The following ARFIP1 variants were observed in gnomAD, a reference collection of about 807,000 sequenced individuals.
The protein encoded by ARFIP1 is arfaptin-1.
ARFIP1 carries 24 observed loss-of-function variants against 42.5 expected under a neutral mutation model. That is an observed-to-expected ratio of 0.57 (90% CI 0.41 to 0.80). ARFIP1 has a LOEUF of 0.80. Among genes scored for constraint, ARFIP1 ranks in the 30% least tolerant of loss-of-function variants. The pLI is 0.00. For synonymous variants in ARFIP1, 141 were observed against 153.7 expected, an observed-to-expected ratio of 0.92 and a Z score of 0.61; for missense variants, 354 against 434.0, an observed-to-expected ratio of 0.82 and a Z score of 1.64.
intron 2 of ARFIP1, among the ~76,000 whole-genome samples, chr4:152,832,003 T>TTA (rs1170325889): frequency 6.6e-6 from 1 of 151,568 alleles, no homozygotes; most frequent in African/African-American, 2.4e-5. Flanking sequence ...ATACCACAGT[T>TTA]TGTATATCCA....
intron 7 of ARFIP1, among the ~76,000 whole-genome samples, chr4:152,883,918 G>T (rs1736059753): frequency 6.6e-6 from 1 of 151,092 alleles, no homozygotes; most frequent in Non-Finnish European, 1.5e-5. Context: ...CCTTTTAGAA[G>T]GATAACTTTA....
At chr4:152,847,591 TAAAATTATTCTTTTA>T (rs934678885) in intron 2 of ARFIP1, among the ~76,000 whole-genome samples, 11 of 152,040 alleles carry the variant, frequency 7.2e-5, no homozygotes, top group Non-Finnish European at 1.3e-4. Context: ...AATTATTCTT[TAAAATTATTCTTTTA>T]AAAATTATTC....
At chr4:152,807,714 T>G (rs1238494779) in intron 1 of ARFIP1, among the ~76,000 whole-genome samples, 1 of 152,166 alleles carries the variant, frequency 6.6e-6, no homozygotes, top group African/African-American at 2.4e-5. Flanking sequence ...GTTCACCTTT[T>G]TGTTTTTTTT....
intron 8 of ARFIP1, among the ~76,000 whole-genome samples, chr4:152,892,500 T>G (rs1736945055): frequency 6.6e-6 from 1 of 152,206 alleles, no homozygotes; most frequent in Non-Finnish European, 1.5e-5. Flanking sequence ...GTGACTATAG[T>G]AATAAGCTTT....
intron 2 of ARFIP1, among the ~76,000 whole-genome samples, chr4:152,862,118 A>G (rs1733943438): frequency 6.6e-6 from 1 of 152,194 alleles, no homozygotes; most frequent in Admixed American, 6.5e-5. Context: ...GACGTTGGCC[A>G]TGGTAGCCTA....
rs1733108471 is a variant in ARFIP1 at position 152,852,843 on chromosome 4, T to C, written c.94-10763T>C. Among the ~76,000 whole-genome samples the C allele has an allele frequency of 2.0e-5, 3 of 152,242 alleles. No individual in the cohort carries two copies. The South Asian group carries it at 6.2e-4, about 31-fold the overall frequency. Reference sequence around the variant, plus strand: ...TAGCTGCCAAACCACATCAGAATGATAGTTCTCTTCAGAATTGGAATTCAA... The same window carrying C: ...TAGCTGCCAAACCACATCAGAATGACAGTTCTCTTCAGAATTGGAATTCAA... On this transcript the variant is annotated intron_variant, in intron 2 of 8. Transcript: ENST00000353617.
chr4:152,908,915 TG>T, intron 8 of ARFIP1, among the ~76,000 whole-genome samples: 2 of 151,440 alleles, frequency 1.3e-5, no homozygotes, highest in African/African-American at 4.9e-5. Flanking sequence ...TGTGTGTGTG[TG>T]TGTGTGTGTG....
At chr4:152,888,962 G>A (rs1269540679) in intron 8 of ARFIP1, among the ~76,000 whole-genome samples, 1 of 152,100 alleles carries the variant, frequency 6.6e-6, no homozygotes, top group Non-Finnish European at 1.5e-5. Flanking sequence ...TTGTATGCAG[G>A]ATTGCAGTTC....
At chr4:152,854,804 A>C (rs113245819) in intron 2 of ARFIP1, among the ~76,000 whole-genome samples, 30 of 152,314 alleles carry the variant, frequency 2.0e-4, no homozygotes, top group African/African-American at 7.0e-4. Flanking sequence ...GTTTTGCTTT[A>C]GATGTCAGAT....
chr4:152,825,461 C>A (rs1730757995), intron 1 of ARFIP1, among the ~76,000 whole-genome samples: 1 of 152,108 alleles, frequency 6.6e-6, no homozygotes, highest in South Asian at 2.1e-4. Context: ...ACACACTATT[C>A]AATAAATGGT....
At chr4:152,835,893 C>T (rs1050920590) in intron 2 of ARFIP1, among the ~76,000 whole-genome samples, 1 of 152,136 alleles carries the variant, frequency 6.6e-6, no homozygotes, top group Non-Finnish European at 1.5e-5. Flanking sequence ...GGAGCAGACA[C>T]ATCACATGGT....
intron 2 of ARFIP1, among the ~76,000 whole-genome samples, chr4:152,831,105 TAAAG>T (rs1043812695): frequency 2.6e-5 from 4 of 152,306 alleles, no homozygotes; most frequent in Non-Finnish European, 5.9e-5. Context: ...ACCTGCATAA[TAAAG>T]AAACTCAAGT....
intron 8 of ARFIP1, among the ~76,000 whole-genome samples, chr4:152,906,688 G>A (rs142603719): frequency 4.4e-4 from 67 of 152,236 alleles, no homozygotes; most frequent in Admixed American, 1.5e-3. Flanking sequence ...CCTACCAGTA[G>A]CTTTTCATCT....
intron 1 of ARFIP1, among the ~76,000 whole-genome samples, chr4:152,804,269 T>G (rs28641639): frequency 4.7e-5 from 2 of 42,860 alleles, no homozygotes; most frequent in Non-Finnish European, 8.1e-5. Context: ...TATTATATAT[T>G]ATATATATAA....
intron 1 of ARFIP1, among the ~76,000 whole-genome samples, chr4:152,820,163 C>T (rs1730253041): frequency 1.3e-5 from 2 of 152,196 alleles, no homozygotes; most frequent in South Asian, 4.2e-4. Flanking sequence ...GTGCATTTCA[C>T]CGAGAGCTTC....
intron 1 of ARFIP1, among the ~76,000 whole-genome samples, chr4:152,786,077 G>A (rs947730598): frequency 6.6e-6 from 1 of 152,282 alleles, no homozygotes; most frequent in Middle Eastern, 3.4e-3. Context: ...AAATGTTATT[G>A]CCATGTTCTC....
At chr4:152,889,784 T>G (rs1736641297) in intron 8 of ARFIP1, among the ~76,000 whole-genome samples, 1 of 20,024 alleles carries the variant, frequency 5.0e-5, no homozygotes, top group Non-Finnish European at 8.9e-5. Flanking sequence ...CTATATATAC[T>G]ATATATTATA....
At chr4:152,866,877 A>G (rs62319920) in intron 3 of ARFIP1, among the ~76,000 whole-genome samples, 6,527 of 145,170 alleles carry the variant, frequency 0.045, 177 homozygotes, top group South Asian at 0.12. Context: ...GGGCAGAGGC[A>G]CTCCCCACAT....
At chr4:152,790,863 A>G (rs1267126569) in intron 1 of ARFIP1, among the ~76,000 whole-genome samples, 1 of 148,272 alleles carries the variant, frequency 6.7e-6, no homozygotes, top group Non-Finnish European at 1.5e-5. Flanking sequence ...TTCCTGAGTC[A>G]CTGGGACCCC....
Sources: gnomAD v4.1 joint callset for allele counts (sites outside exome capture counted in the v4.1 genomes callset) on GRCh38, gnomAD v4.1.1 for gene constraint, MANE v1.5 for transcripts, NCBI Gene and HGNC (gene_info 2026-07-23, HGNC 2026-07-21) for gene names.